The following METAP1D variants were observed in gnomAD, a reference collection of about 807,000 sequenced individuals.
METAP1D encodes the protein methionyl aminopeptidase type 1D, mitochondrial, also known as methionine aminopeptidase 1D, mitochondrial.
A neutral mutation model predicts 40.5 loss-of-function variants in METAP1D; 31 were observed. That is an observed-to-expected ratio of 0.77 (90% confidence interval 0.58 to 1.03). The LOEUF (loss-of-function observed/expected upper bound fraction) is 1.03, where lower values mean the gene tolerates loss of function less well. METAP1D is among the 50% of genes least tolerant of loss of function. The pLI is 0.00. For missense variants in METAP1D, 411 were observed against 420.7 expected (o/e 0.98, Z 0.20); for synonymous variants, 151 against 146.4 (o/e 1.03, Z -0.22).
chr2:172,064,019 G>A (rs997284444), intron 3 of METAP1D, 159 bp downstream of exon 3: 16 of 886,918 alleles, frequency 1.8e-5, no homozygotes, highest in Non-Finnish European at 2.4e-5. Flanking sequence ...GTAAAGCCTT[G>A]GGATGGGGAA....
At chr2:172,004,438 C>T (rs1688533739) in intron 1 of METAP1D, among the ~76,000 whole-genome samples, 1 of 152,084 alleles carries the variant, frequency 6.6e-6, no homozygotes, top group African/African-American at 2.4e-5. Context: ...ATTCTCCTGC[C>T]TCAGCCTCTT....
intron 1 of METAP1D, among the ~76,000 whole-genome samples, chr2:172,016,884 G>A (rs1023395914): frequency 4.0e-5 from 6 of 151,468 alleles, no homozygotes; most frequent in Non-Finnish European, 7.4e-5. Context: ...GCTATTCCTC[G>A]TGCTTGAACC....
intron 1 of METAP1D, among the ~76,000 whole-genome samples, chr2:172,042,969 A>ACACATATGCATG (rs1689638891): frequency 3.5e-5 from 4 of 113,324 alleles, no homozygotes; most frequent in African/African-American, 1.2e-4. Context: ...ATATATGCGT[A>ACACATATGCATG]CATGTGCATA....
intron 7 of METAP1D, among the ~76,000 whole-genome samples, chr2:172,078,759 G>A (rs558915579): frequency 1.3e-3 from 200 of 152,308 alleles, no homozygotes; most frequent in African/African-American, 4.6e-3. Context: ...AATGTCTGGA[G>A]TGAAGCTATT....
At position 172,034,076 on chromosome 2, in the gene METAP1D, C is replaced by CAAAAAAA. The variant is rs1491369972; in HGVS notation, c.41-27411_41-27405dup. 5.1e-5 allele frequency among the ~76,000 whole-genome samples: 2 copies of CAAAAAAA among 39,116 alleles called. 1 individual carries two copies. Among genetic ancestry groups the CAAAAAAA allele is most frequent in the Non-Finnish European group, 1.0e-4 (2 of 19,636 alleles). 25.7% of individuals were successfully genotyped at this position (39,116 alleles called of 152,430 possible). A position where few individuals can be genotyped will look rare whatever the true frequency, so the allele number is the denominator to read the frequency against. ...TGGGCAACAGAGCAAGACTTCATCT[C>CAAAAAAA]AAAAAAAAAAAAAAAAACAAAAGTC... On this transcript the variant is annotated intron_variant, in intron 1 of 9. Coordinates refer to ENST00000315796, the MANE Select transcript of METAP1D (RefSeq NM_199227.3).
intron 1 of METAP1D, among the ~76,000 whole-genome samples, chr2:172,032,162 C>T (rs1051501442): frequency 2.6e-5 from 4 of 152,134 alleles, no homozygotes; most frequent in Non-Finnish European, 4.4e-5. Flanking sequence ...CTTTAAATTG[C>T]AGTCTTATCT....
rs555214514 is a variant in METAP1D, at chr2:172,023,047, G to A, written c.40+23038G>A. 9.8e-5 allele frequency among the ~76,000 whole-genome samples: 15 copies of A among 152,286 alleles called. 1 individual carries two copies. The South Asian group carries it at 3.1e-3, about 32-fold the overall frequency. On this transcript the variant is annotated intron_variant, in intron 1 of 9. Coordinates refer to ENST00000315796, the MANE Select transcript of METAP1D (RefSeq NM_199227.3). Reference sequence around the variant, plus strand: ...ACTAAAAATACAAAAAATTAGCTGGGCGTGGTGGCACATGCCTGTAATTCC... The same window carrying A: ...ACTAAAAATACAAAAAATTAGCTGGACGTGGTGGCACATGCCTGTAATTCC...
At chr2:172,048,889 G>A (rs112569785) in intron 1 of METAP1D, among the ~76,000 whole-genome samples, 1 of 152,200 alleles carries the variant, frequency 6.6e-6, no homozygotes, top group South Asian at 2.1e-4. Context: ...TGTGTTTTCA[G>A]ATATGAGAAG....
chr2:172,063,982 T>A, intron 3 of METAP1D, 122 bp downstream of exon 3: 1 of 1,211,520 alleles, frequency 8.3e-7, no homozygotes, highest in Non-Finnish European at 1.1e-6. Flanking sequence ...TTTATTTGTT[T>A]TAAATTAATT....
chr2:172,056,211 A>G (rs1042998571), intron 1 of METAP1D, among the ~76,000 whole-genome samples: 1 of 152,216 alleles, frequency 6.6e-6, no homozygotes. Flanking sequence ...ATGAAGGCAC[A>G]CATTTCAGAG....
chr2:172,071,165 A>G (rs999570703), intron 6 of METAP1D, 95 bp downstream of exon 6: 2 of 1,140,534 alleles, frequency 1.8e-6, no homozygotes, highest in African/African-American at 1.6e-5. Context: ...TTTATGATTC[A>G]GAACCATCAT....
rs529662733 is a variant in METAP1D at position 172,003,381 on chromosome 2, G to A, written c.40+3372G>A. Reference sequence around the variant, plus strand: ...GAATCCCAGGTCTAGCTCGGGCCACGAAGCAAGATCCCAGTGAATATGAAG... The same window carrying A: ...GAATCCCAGGTCTAGCTCGGGCCACAAAGCAAGATCCCAGTGAATATGAAG... On this transcript the variant is annotated intron_variant, in intron 1 of 9. Coordinates refer to ENST00000315796, the MANE Select transcript of METAP1D (RefSeq NM_199227.3). Among the ~76,000 whole-genome samples the A allele has an allele frequency of 3.9e-5, 6 of 152,236 alleles. No individual in the cohort carries two copies. In the South Asian group the frequency reaches 6.2e-4, roughly 16 times the overall value.
Position 172,080,490 on chromosome 2 carries a change from G to A in METAP1D, c.*84G>A, listed in dbSNP as rs1690679423. 1 of 1,429,566 alleles carries A rather than the reference G, an allele frequency of 7.0e-7. No individual in the cohort carries two copies. Among genetic ancestry groups the A allele is most frequent in the East Asian group, 2.3e-5 (1 of 43,700 alleles). The allele number at this position is 1,429,566 out of a possible 1,614,324, so 88.6% of individuals were successfully genotyped here. A position where few individuals can be genotyped will look rare whatever the true frequency, so the allele number is the denominator to read the frequency against. On this transcript the variant is annotated 3_prime_UTR_variant, in exon 10 of 10. Coordinates refer to ENST00000315796, the MANE Select transcript of METAP1D (RefSeq NM_199227.3). ...GCTGGAGAACTTTTAGAAGAAACAGGGAAATGACCGGTGGTGCGGTAACCT... is the reference window on the plus strand; with the variant it reads ...GCTGGAGAACTTTTAGAAGAAACAGAGAAATGACCGGTGGTGCGGTAACCT...
At chr2:172,056,686 G>C (rs1421166239) in intron 1 of METAP1D, among the ~76,000 whole-genome samples, 3 of 152,194 alleles carry the variant, frequency 2.0e-5, no homozygotes, top group African/African-American at 7.2e-5. Context: ...GAAAAGAAAG[G>C]AGCATTTATG....
At chr2:172,012,639 T>C (rs1688756964) in intron 1 of METAP1D, among the ~76,000 whole-genome samples, 1 of 141,280 alleles carries the variant, frequency 7.1e-6, no homozygotes, top group African/African-American at 2.5e-5. Context: ...TTGGGGTAGC[T>C]TGTTTCATGA....
chr2:172,032,834 A>G (rs1689269686), intron 1 of METAP1D, among the ~76,000 whole-genome samples: 1 of 152,142 alleles, frequency 6.6e-6, no homozygotes, highest in Admixed American at 6.6e-5. Context: ...AGGCCGAGGC[A>G]GGTGGATCAC....
chr2:172,028,588 GTGTGTGT>G (rs1689173274), intron 1 of METAP1D, among the ~76,000 whole-genome samples: 1 of 107,426 alleles, frequency 9.3e-6, no homozygotes, highest in Admixed American at 9.7e-5. Flanking sequence ...GTGTGTGTGT[GTGTGTGT>G]TTTCTTAGTG....
At chr2:172,017,723 G>A (rs1312615851) in intron 1 of METAP1D, among the ~76,000 whole-genome samples, 1 of 152,128 alleles carries the variant, frequency 6.6e-6, no homozygotes, top group African/African-American at 2.4e-5. Flanking sequence ...CCTTCAAGCT[G>A]TCATCATATC....
At chr2:172,002,944 A>G (rs73976543) in intron 1 of METAP1D, among the ~76,000 whole-genome samples, 149,561 of 152,294 alleles carry the variant, frequency 0.98, 73,509 homozygotes, top group Middle Eastern at 1. Flanking sequence ...AGTATACCCT[A>G]TATACAGTAG....
Sources: gnomAD v4.1 joint callset for allele counts (sites outside exome capture counted in the v4.1 genomes callset) on GRCh38, gnomAD v4.1.1 for gene constraint, MANE v1.5 for transcripts, NCBI Gene and HGNC (gene_info 2026-07-23, HGNC 2026-07-21) for gene names.